NSD2: variants seen among roughly 807,000 people sequenced by gnomAD.
NSD2 encodes the protein nuclear receptor binding SET domain protein 2.
NSD2 carries 12 observed loss-of-function variants against 139.0 expected under a neutral mutation model. The ratio of observed to expected loss-of-function variants is 0.09; its 90% CI spans 0.06 to 0.14. The LOEUF (loss-of-function observed/expected upper bound fraction) is 0.14, where lower values mean the gene tolerates loss of function less well. Among genes scored for constraint, NSD2 ranks in the 10% least tolerant of loss-of-function variants. The pLI is 1.00. For synonymous variants in NSD2, 669 were observed against 648.7 expected (o/e 1.03, Z -0.48); for missense variants, 1,155 against 1,745.0 (o/e 0.66, Z 6.02).
rs552287394 is a variant in NSD2 at position 1,907,733 on chromosome 4, C to T, written c.760+3355C>T. Among the ~76,000 whole-genome samples the T allele has an allele frequency of 2.0e-3, 294 of 149,310 alleles. 1 individual carries two copies. Among genetic ancestry groups the T allele is most frequent in the African/African-American group, 7.0e-3 (283 of 40,668 alleles). On this transcript the variant is annotated intron_variant, in intron 3 of 21. Coordinates refer to ENST00000508803, the MANE Select transcript of NSD2 (RefSeq NM_001042424.3). ...GTTCAAGCAATTCTCCTGCCTCAGTCTCCCAAGTAGGTGGGACTACAGGTG... is the reference window on the plus strand; with the variant it reads ...GTTCAAGCAATTCTCCTGCCTCAGTTTCCCAAGTAGGTGGGACTACAGGTG...
At chr4:1,884,547 C>G (rs1714939126) in intron 1 of NSD2, among the ~76,000 whole-genome samples, 1 of 152,056 alleles carries the variant, frequency 6.6e-6, no homozygotes, top group Admixed American at 6.6e-5. Context: ...ACATGTGCCA[C>G]CACGCCTAGC....
At position 1,978,910 on chromosome 4, in the gene NSD2, C is replaced by T. The variant is rs779856348; in HGVS notation, c.*1C>T. 81 of 1,510,088 alleles carry T rather than the reference C, an allele frequency of 5.4e-5. No individual in the cohort carries two copies. The highest frequency in any genetic ancestry group is 6.4e-5 in the Non-Finnish European group (72 of 1,127,438). The allele number at this position is 1,510,088 out of a possible 1,614,324, so 93.5% of individuals were successfully genotyped here. A position where few individuals can be genotyped will look rare whatever the true frequency, so the allele number is the denominator to read the frequency against. On this transcript the variant is annotated 3_prime_UTR_variant, in exon 22 of 22. Transcript: ENST00000508803. ...GCGGAGAGTCACAGAGGGCAAATAG[C>T]GCCAGGCGGCCGCTTGGCCGGATCC... is the stretch of plus-strand genomic sequence containing the variant.
rs1440502121 is a variant in NSD2 at position 1,953,522 on chromosome 4, A to AAGGT, written c.2338_2338+3dup. On this transcript the variant is annotated frameshift_variant and splice_region_variant, in exon 12 of 22. Transcript: ENST00000508803. LOFTEE classifies it high-confidence loss of function. Reference sequence around the variant, plus strand: ...AACCCTTCAAACCCAAGGCCGTCAAAAGGTACAGGTGCACCTGCGCAGCCT... The same window carrying AAGGT: ...AACCCTTCAAACCCAAGGCCGTCAAAAGGTAGGTACAGGTGCACCTGCGCAGCCT... The AAGGT allele has an allele frequency of 6.2e-7, 1 of 1,608,146 alleles. No individual in the cohort carries two copies. The highest frequency in any genetic ancestry group is 1.1e-5 in the South Asian group (1 of 90,294).
At chr4:1,925,023 C>T (rs200338583) in intron 5 of NSD2, among the ~76,000 whole-genome samples, 52 of 152,312 alleles carry the variant, frequency 3.4e-4, no homozygotes, top group African/African-American at 1.3e-3. Context: ...GCCTCCCTTC[C>T]CTCCCCTGGA....
chr4:1,967,179 G>A (rs188256876), intron 18 of NSD2, among the ~76,000 whole-genome samples: 217 of 152,262 alleles, frequency 1.4e-3, no homozygotes, highest in Non-Finnish European at 2.1e-3. Flanking sequence ...TAACTGAGAT[G>A]AAATAGACAA....
intron 7 of NSD2, among the ~76,000 whole-genome samples, chr4:1,937,403 G>A (rs569446001): frequency 4.9e-4 from 75 of 152,138 alleles, no homozygotes; most frequent in African/African-American, 1.6e-3. Flanking sequence ...TACTGAAACT[G>A]GTTGTTTTGA....
At position 1,918,638 on chromosome 4, in the gene NSD2, G is replaced by A. The variant is rs373808726; in HGVS notation, c.1410+15G>A. 6.2e-7 allele frequency: 1 copy of A among 1,608,706 alleles called. No homozygotes were observed. Among genetic ancestry groups the A allele is most frequent in the African/African-American group, 1.3e-5 (1 of 74,776 alleles). On this transcript the variant is annotated intron_variant, in intron 5 of 21. Coordinates refer to ENST00000508803, the MANE Select transcript of NSD2 (RefSeq NM_001042424.3). ...ACAGGGATGAGGTCAGTACTAAGTT[G>A]TGTTTCATGCTAGCAAGTTTCAGAA...
At chr4:1,912,952 G>A (rs201750568) in intron 3 of NSD2, among the ~76,000 whole-genome samples, 1 of 152,098 alleles carries the variant, frequency 6.6e-6, no homozygotes, top group East Asian at 1.9e-4. Context: ...GGCACAGGCT[G>A]TTCCAGTATA....
At chr4:1,921,654 C>T (rs893424252) in intron 5 of NSD2, among the ~76,000 whole-genome samples, 1 of 151,242 alleles carries the variant, frequency 6.6e-6, no homozygotes, top group African/African-American at 2.4e-5. Flanking sequence ...TGGTGGCGAG[C>T]GCCTGTAATC....
intron 5 of NSD2, among the ~76,000 whole-genome samples, chr4:1,928,472 G>A (rs572074163): frequency 1.2e-4 from 18 of 152,274 alleles, no homozygotes; most frequent in African/African-American, 4.3e-4. Flanking sequence ...TTTAGAACTC[G>A]TAACCATCAT....
In NSD2 at chr4:1,871,554, G is replaced by C. The variant is rs1228955251; in HGVS notation, c.-30+12G>C. Reference sequence around the variant, plus strand: ...GCGACGCACCGCAGGTCACTGGGGCGCCCGCCCAACAGTCGCGGGCCGCCA... The same window carrying C: ...GCGACGCACCGCAGGTCACTGGGGCCCCCGCCCAACAGTCGCGGGCCGCCA... On this transcript the variant is annotated intron_variant, in intron 1 of 21. Coordinates refer to ENST00000508803, the MANE Select transcript of NSD2 (RefSeq NM_001042424.3). 1.3e-5 allele frequency: 2 copies of C among 151,386 alleles called. No individual in the cohort carries two copies. Among genetic ancestry groups the C allele is most frequent in the Non-Finnish European group, 3.0e-5 (2 of 67,732 alleles). 9.4% of individuals were successfully genotyped at this position (151,386 alleles called of 1,614,324 possible).
chr4:1,882,100 G>A (rs932124011), intron 1 of NSD2, among the ~76,000 whole-genome samples: 1 of 152,194 alleles, frequency 6.6e-6, no homozygotes, highest in African/African-American at 2.4e-5. Context: ...AGATTGAGTT[G>A]GTGCTGGGGA....
intron 3 of NSD2, among the ~76,000 whole-genome samples, chr4:1,916,544 C>A (rs1299346040): frequency 6.6e-6 from 1 of 152,174 alleles, no homozygotes; most frequent in Non-Finnish European, 1.5e-5. Context: ...TGGGCTTTTG[C>A]CATGTTGCCC....
chr4:1,925,364 T>C (rs1720730682), intron 5 of NSD2, among the ~76,000 whole-genome samples: 1 of 151,318 alleles, frequency 6.6e-6, no homozygotes, highest in African/African-American at 2.4e-5. Context: ...TTGCTGACTC[T>C]TTAGAGGTCA....
At chr4:1,978,375 GC>G (rs1176517128) in intron 21 of NSD2, among the ~76,000 whole-genome samples, 1 of 152,148 alleles carries the variant, frequency 6.6e-6, no homozygotes, top group Non-Finnish European at 1.5e-5. Context: ...CCTGCACCCG[GC>G]ACAGCTCCTC....
At chr4:1,938,250 C>T (rs1252913755) in intron 7 of NSD2, among the ~76,000 whole-genome samples, 3 of 152,156 alleles carry the variant, frequency 2.0e-5, no homozygotes, top group East Asian at 1.9e-4. Context: ...ATTGGGCAAC[C>T]ATGGATGACT....
At chr4:1,969,551 A>G (rs865814520) in intron 18 of NSD2, among the ~76,000 whole-genome samples, 10 of 152,166 alleles carry the variant, frequency 6.6e-5, no homozygotes, top group Admixed American at 2.0e-4. Flanking sequence ...TAAAAAAAAA[A>G]AAAAAAATAG....
chr4:1,873,620 C>A (rs894033994), intron 1 of NSD2, among the ~76,000 whole-genome samples: 1 of 152,336 alleles, frequency 6.6e-6, no homozygotes, highest in Admixed American at 6.5e-5. Flanking sequence ...TACATGGGTA[C>A]AGCCTTCTGC....
intron 1 of NSD2, among the ~76,000 whole-genome samples, chr4:1,897,092 C>G (rs1267997037): frequency 6.6e-6 from 1 of 151,776 alleles, no homozygotes. Flanking sequence ...ATCACTTGAG[C>G]CTGGGAGGCA....
Sources: gnomAD v4.1 joint callset for allele counts (sites outside exome capture counted in the v4.1 genomes callset) on GRCh38, gnomAD v4.1.1 for gene constraint, MANE v1.5 for transcripts, NCBI Gene and HGNC (gene_info 2026-07-23, HGNC 2026-07-21) for gene names.